CDH13: variants seen among roughly 807,000 people sequenced by gnomAD.
The protein encoded by CDH13 is cadherin 13.
CDH13 carries 24 observed loss-of-function variants against 63.8 expected under a neutral mutation model. The observed-to-expected ratio is 0.38, with a 90% CI of 0.27 to 0.53. The LOEUF (loss-of-function observed/expected upper bound fraction) is 0.53, where lower values mean the gene tolerates loss of function less well. Ranked by LOEUF, CDH13 falls within the 20% of genes least tolerant of loss-of-function variation. CDH13 has a pLI of 0.85. For synonymous variants in CDH13, 503 were observed against 355.3 expected (o/e 1.42, Z -4.67); for missense variants, 1,049 against 903.1 (o/e 1.16, Z -2.07).
At chr16:83,683,426 T>C (rs1183244068) in intron 10 of CDH13, among the ~76,000 whole-genome samples, 1 of 152,218 alleles carries the variant, frequency 6.6e-6, no homozygotes, top group African/African-American at 2.4e-5. Context: ...TCTGTCTCCC[T>C]CAATCACGTA....
intron 5 of CDH13, among the ~76,000 whole-genome samples, chr16:83,277,887 G>T (rs968798296): frequency 1.4e-4 from 21 of 152,088 alleles, no homozygotes; most frequent in African/African-American, 5.1e-4. Context: ...AATTTGAGAA[G>T]TTTGTTTGCT....
At chr16:82,883,643 T>C (rs2040782613) in intron 2 of CDH13, among the ~76,000 whole-genome samples, 2 of 152,356 alleles carry the variant, frequency 1.3e-5, no homozygotes, top group Non-Finnish European at 2.9e-5. Context: ...GTTCCTCATC[T>C]CTACGAGGGA....
chr16:83,133,538 A>T (rs1351303686), intron 4 of CDH13, among the ~76,000 whole-genome samples: 1 of 152,128 alleles, frequency 6.6e-6, no homozygotes, highest in Non-Finnish European at 1.5e-5. Flanking sequence ...TTGCTCTGTC[A>T]CCCACACTGG....
At chr16:83,315,818 A>G (rs1597728639) in intron 5 of CDH13, among the ~76,000 whole-genome samples, 1 of 146,058 alleles carries the variant, frequency 6.8e-6, no homozygotes, top group Admixed American at 6.8e-5. Context: ...CTTTCAGTTC[A>G]TTTGCTCATT....
At chr16:83,412,374 A>G (rs1479568855) in intron 6 of CDH13, among the ~76,000 whole-genome samples, 2 of 152,216 alleles carry the variant, frequency 1.3e-5, no homozygotes, top group Non-Finnish European at 2.9e-5. Context: ...AGGCAGGAGA[A>G]TCGCTTGAAC....
At chr16:83,684,338 T>C (rs1240025554) in intron 10 of CDH13, among the ~76,000 whole-genome samples, 1 of 151,808 alleles carries the variant, frequency 6.6e-6, no homozygotes, top group Admixed American at 6.6e-5. Flanking sequence ...ATGGTGCAAC[T>C]GCACTCCAGT....
intron 5 of CDH13, among the ~76,000 whole-genome samples, chr16:83,284,973 C>A (rs374596530): frequency 1.3e-5 from 2 of 152,112 alleles, no homozygotes; most frequent in Non-Finnish European, 2.9e-5. Context: ...AAGATCTAGC[C>A]AGCTTCTATA....
intron 1 of CDH13, among the ~76,000 whole-genome samples, chr16:82,663,480 C>G (rs1231711395): frequency 6.6e-6 from 1 of 151,992 alleles, no homozygotes; most frequent in African/African-American, 2.4e-5. Flanking sequence ...CCACCATGCC[C>G]AGCCACCGCC....
chr16:83,674,583 G>A (rs1914796725), intron 9 of CDH13, among the ~76,000 whole-genome samples: 1 of 152,232 alleles, frequency 6.6e-6, no homozygotes, highest in African/African-American at 2.4e-5. Flanking sequence ...GGCAGAGGGG[G>A]GCTGGTGATT....
At chr16:83,670,549 C>T (rs978200176) in intron 8 of CDH13, among the ~76,000 whole-genome samples, 1 of 152,174 alleles carries the variant, frequency 6.6e-6, no homozygotes, top group Admixed American at 6.5e-5. Context: ...CAGAGCAGCA[C>T]AGCACAGCCA....
chr16:82,674,128 C>T (rs1567613946), intron 1 of CDH13, among the ~76,000 whole-genome samples: 1 of 152,122 alleles, frequency 6.6e-6, no homozygotes, highest in African/African-American at 2.4e-5. Context: ...ATATGGATGG[C>T]AGACACTTGT....
At chr16:83,602,146 C>CAAAA (rs1907906022) in intron 7 of CDH13, among the ~76,000 whole-genome samples, 1 of 49,010 alleles carries the variant, frequency 2.0e-5, no homozygotes, top group Non-Finnish European at 3.5e-5. Context: ...AAAAAAAACC[C>CAAAA]AAAGGACAAT....
chr16:83,445,996 G>C (rs533831681), intron 6 of CDH13, among the ~76,000 whole-genome samples: 1 of 151,942 alleles, frequency 6.6e-6, no homozygotes, highest in Non-Finnish European at 1.5e-5. Flanking sequence ...TTTTTTATTG[G>C]GTATAGAAAA....
chr16:82,816,911 G>C (rs1334447685), intron 1 of CDH13, among the ~76,000 whole-genome samples: 1 of 151,952 alleles, frequency 6.6e-6, no homozygotes, highest in Non-Finnish European at 1.5e-5. Flanking sequence ...TTGGTACCAA[G>C]ACTTTAAGGA....
chr16:83,575,427 C>A (rs1422692761), intron 7 of CDH13, among the ~76,000 whole-genome samples: 1 of 152,192 alleles, frequency 6.6e-6, no homozygotes, highest in African/African-American at 2.4e-5. Flanking sequence ...CGCAGGGATC[C>A]TTTTCCTCTC....
intron 7 of CDH13, among the ~76,000 whole-genome samples, chr16:83,560,110 G>A (rs1241313562): frequency 4.6e-5 from 7 of 152,056 alleles, no homozygotes; most frequent in Non-Finnish European, 8.8e-5. Flanking sequence ...TGATGAATAC[G>A]TATTGAGTAG....
At chr16:83,773,843 G>C (rs1914924915) in intron 11 of CDH13, among the ~76,000 whole-genome samples, 1 of 152,176 alleles carries the variant, frequency 6.6e-6, no homozygotes, top group African/African-American at 2.4e-5. Flanking sequence ...CTGTTCCCCA[G>C]TCATGAGGCT....
intron 8 of CDH13, among the ~76,000 whole-genome samples, chr16:83,652,387 A>G (rs1485436978): frequency 3.3e-5 from 5 of 152,078 alleles, no homozygotes; most frequent in Admixed American, 6.6e-5. Context: ...AGCTCTGGAG[A>G]TTAGACATGT....
At chr16:83,201,679 C>A (rs190173928) in intron 4 of CDH13, among the ~76,000 whole-genome samples, 1 of 151,056 alleles carries the variant, frequency 6.6e-6, no homozygotes, top group African/African-American at 2.4e-5. Context: ...GGGCAGGTCA[C>A]GAGGTCAGGA....
Sources: gnomAD v4.1 joint callset for allele counts (sites outside exome capture counted in the v4.1 genomes callset) on GRCh38, gnomAD v4.1.1 for gene constraint, MANE v1.5 for transcripts, NCBI Gene and HGNC (gene_info 2026-07-23, HGNC 2026-07-21) for gene names.